The following INPP4B variants were observed in gnomAD, a reference collection of about 807,000 sequenced individuals.
The protein encoded by INPP4B is inositol polyphosphate 4-phosphatase type II.
A neutral mutation model predicts 122.5 loss-of-function variants in INPP4B; 55 were observed. That is an observed-to-expected ratio of 0.45 (90% confidence interval 0.36 to 0.56). The LOEUF (loss-of-function observed/expected upper bound fraction) is 0.56. Among genes scored for constraint, INPP4B ranks in the 20% least tolerant of loss-of-function variants. The pLI is 0.00. For synonymous variants in INPP4B, 403 were observed against 388.7 expected (o/e 1.04, Z -0.43); for missense variants, 1,000 against 1,097.7 (o/e 0.91, Z 1.26).
At chr4:142,111,367 A>G (rs1434296301) in intron 22 of INPP4B, among the ~76,000 whole-genome samples, 2 of 151,920 alleles carry the variant, frequency 1.3e-5, no homozygotes, top group East Asian at 3.9e-4. Context: ...GTTTTTTGAG[A>G]CGGAGTTTTG....
chr4:142,343,770 T>A (rs1430836574), intron 7 of INPP4B, among the ~76,000 whole-genome samples: 1 of 152,026 alleles, frequency 6.6e-6, no homozygotes, highest in Non-Finnish European at 1.5e-5. Flanking sequence ...GTAACTTTAG[T>A]CAAACCACTA....
At chr4:142,207,349 T>C (rs1460352910) in intron 14 of INPP4B, among the ~76,000 whole-genome samples, 1 of 152,272 alleles carries the variant, frequency 6.6e-6, no homozygotes, top group East Asian at 1.9e-4. Context: ...TTTTAGTTTT[T>C]TTAGGAACCT....
chr4:142,711,710 A>T (rs756455929), intron 2 of INPP4B, among the ~76,000 whole-genome samples: 1 of 152,182 alleles, frequency 6.6e-6, no homozygotes, highest in Non-Finnish European at 1.5e-5. Context: ...AAAGTGATTA[A>T]GTCATGAGGA....
At chr4:142,030,332 A>G in intron 25 of INPP4B, 2 of 1,528,388 alleles carry the variant, frequency 1.3e-6, no homozygotes, top group Non-Finnish European at 1.8e-6. Context: ...TGGGGGGGAA[A>G]AGAAAATAGT....
chr4:142,328,836 G>T lies in INPP4B; in HGVS notation c.373-14074C>A, dbSNP rs556399038. ...TTGATAATTTTTAAGAATGTAAAAG[G>T]GTCCTAAAACCAAAAGTTTGAGAAA... is the stretch of plus-strand genomic sequence containing the variant. On this transcript the variant is annotated intron_variant, in intron 7 of 25. Coordinates refer to ENST00000262992, the MANE Select transcript of INPP4B (RefSeq NM_001101669.3). Among the ~76,000 whole-genome samples the T allele has an allele frequency of 7.9e-5, 12 of 152,016 alleles. 1 individual carries two copies. The South Asian group carries it at 2.5e-3, about 32-fold the overall frequency.
chr4:142,525,251 A>G (rs1380684404), intron 2 of INPP4B, among the ~76,000 whole-genome samples: 1 of 152,044 alleles, frequency 6.6e-6, no homozygotes, highest in East Asian at 1.9e-4. Flanking sequence ...ATAGAAAGAA[A>G]TGGAAGAACA....
chr4:142,029,562 C>G, intron 25 of INPP4B: 1 of 985,402 alleles, frequency 1.0e-6, no homozygotes, highest in Non-Finnish European at 1.2e-6. Flanking sequence ...CCAAATCAAC[C>G]CAAACAAGAG....
rs1444821247 is a variant in INPP4B, at chr4:142,646,166, T to C, written c.-191+79673A>G. On this transcript the variant is annotated intron_variant, in intron 2 of 25. Coordinates refer to ENST00000262992, the MANE Select transcript of INPP4B (RefSeq NM_001101669.3). ...TACATTTATCAAAACCACTGGATGG[T>C]ATTTTTAATGTTGGTGCATTTTATT... is the stretch of plus-strand genomic sequence containing the variant. Among the ~76,000 whole-genome samples the C allele has an allele frequency of 2.6e-5, 4 of 152,218 alleles. No individual in the cohort carries two copies. The South Asian group carries it at 8.3e-4, about 32-fold the overall frequency.
rs554003993 is a variant in INPP4B at position 142,693,483 on chromosome 4, TAAAAAAAAAAAAAAAAAAAA to T, written c.-191+32336_-191+32355del. Among the ~76,000 whole-genome samples the T allele has an allele frequency of 8.8e-4, 46 of 52,432 alleles. 5 individuals carry two copies. The highest frequency in any genetic ancestry group is 3.4e-3 in the South Asian group (4 of 1,194). 34.4% of individuals were successfully genotyped at this position (52,432 alleles called of 152,430 possible). A position where few individuals can be genotyped will look rare whatever the true frequency, so the allele number is the denominator to read the frequency against. On this transcript the variant is annotated intron_variant, in intron 2 of 25. Coordinates refer to ENST00000262992, the MANE Select transcript of INPP4B (RefSeq NM_001101669.3). ...CTGGCTATCTTAAAATGCCTTTTTC[TAAAAAAAAAAAAAAAAAAAA>T]AAAAAAAAAAAAAAAAAAAAAAAAA...
At chr4:142,509,180 C>A (rs534388428) in intron 2 of INPP4B, among the ~76,000 whole-genome samples, 40 of 152,318 alleles carry the variant, frequency 2.6e-4, no homozygotes, top group Middle Eastern at 3.4e-3. Context: ...CTTGCTGACA[C>A]CGTGCGGGTT....
chr4:142,526,131 T>G (rs1826882394), intron 2 of INPP4B, among the ~76,000 whole-genome samples: 1 of 152,050 alleles, frequency 6.6e-6, no homozygotes, highest in African/African-American at 2.4e-5. Context: ...TCCCTGGCCA[T>G]TAAATATAAA....
chr4:142,427,953 T>C (rs1808467025), intron 5 of INPP4B, among the ~76,000 whole-genome samples: 1 of 151,832 alleles, frequency 6.6e-6, no homozygotes, highest in South Asian at 2.1e-4. Context: ...GAGAAAAAAA[T>C]AATAGCCTCA....
chr4:142,791,254 T>C (rs764513157), intron 1 of INPP4B, among the ~76,000 whole-genome samples: 2 of 152,136 alleles, frequency 1.3e-5, no homozygotes, highest in African/African-American at 2.4e-5. Context: ...TTTCAGAAAT[T>C]TACTGCTGTG....
At chr4:142,568,256 G>A (rs1156512766) in intron 2 of INPP4B, among the ~76,000 whole-genome samples, 2 of 150,962 alleles carry the variant, frequency 1.3e-5, no homozygotes, top group African/African-American at 2.4e-5. Flanking sequence ...CGTTTCTTTC[G>A]TTTTCAAGGT....
chr4:142,520,667 T>C (rs1003003865), intron 2 of INPP4B, among the ~76,000 whole-genome samples: 1 of 151,984 alleles, frequency 6.6e-6, no homozygotes, highest in Non-Finnish European at 1.5e-5. Context: ...ACACTTAATA[T>C]AGTTTTAAAA....
intron 7 of INPP4B, among the ~76,000 whole-genome samples, chr4:142,346,760 T>C (rs1322935609): frequency 6.6e-6 from 1 of 152,062 alleles, no homozygotes; most frequent in Non-Finnish European, 1.5e-5. Context: ...CTGAAATGTT[T>C]GGTATAAATC....
intron 6 of INPP4B, among the ~76,000 whole-genome samples, chr4:142,404,430 G>T (rs1203424397): frequency 1.3e-5 from 2 of 152,030 alleles, no homozygotes; most frequent in Admixed American, 1.3e-4. Flanking sequence ...TCCAGCCCCA[G>T]ATGTTTAAAT....
At chr4:142,178,614 TA>T (rs975499264) in intron 15 of INPP4B, among the ~76,000 whole-genome samples, 8 of 151,788 alleles carry the variant, frequency 5.3e-5, no homozygotes, top group Non-Finnish European at 1.2e-4. Context: ...GTGGAGCCAT[TA>T]AAAAATAGAG....
Position 142,207,727 on chromosome 4 carries a change from A to G in INPP4B, c.1072+698T>C, listed in dbSNP as rs372749941. Reference sequence around the variant, plus strand: ...GACTTTTGCCAGCAAACCAGGGCATATAGTCATCCTAAATTTGCATAATTG... The same window carrying G: ...GACTTTTGCCAGCAAACCAGGGCATGTAGTCATCCTAAATTTGCATAATTG... On this transcript the variant is annotated intron_variant, in intron 14 of 25. Coordinates refer to ENST00000262992, the MANE Select transcript of INPP4B (RefSeq NM_001101669.3). Among the ~76,000 whole-genome samples, 5 of 152,318 alleles carry G rather than the reference A, an allele frequency of 3.3e-5. No individual in the cohort carries two copies. The South Asian group carries it at 8.3e-4, about 25-fold the overall frequency.
Sources: gnomAD v4.1 joint callset for allele counts (sites outside exome capture counted in the v4.1 genomes callset) on GRCh38, gnomAD v4.1.1 for gene constraint, MANE v1.5 for transcripts, NCBI Gene and HGNC (gene_info 2026-07-23, HGNC 2026-07-21) for gene names.